The following RARB variants were observed in gnomAD, a reference collection of about 807,000 sequenced individuals.
The protein encoded by RARB is retinoic acid receptor beta, also known as HBV-activated protein.
In RARB, 17 loss-of-function variants were observed where a neutral mutation model predicts 51.9. The ratio of observed to expected loss-of-function variants is 0.33; its 90% confidence interval spans 0.22 to 0.49. RARB has a LOEUF of 0.49. Among genes scored for constraint, RARB ranks in the 20% least tolerant of loss-of-function variants. The pLI is 0.99. For missense variants in RARB, 369 were observed against 550.8 expected (o/e 0.67, Z 3.30); for synonymous variants, 215 against 195.4 (o/e 1.10, Z -0.84).
In RARB at chr3:25,567,908, C is replaced by A. The variant is rs375378396; in HGVS notation, c.449-1850C>A. ...CTCAGCAGCCCAGACTCCATCCTCA[C>A]GGAGAGCCACCATGCCGCCTCTGCC... On this transcript the variant is annotated intron_variant, in intron 3 of 7. Coordinates refer to ENST00000330688, the MANE Select transcript of RARB (RefSeq NM_000965.5). Among the ~76,000 whole-genome samples the A allele has an allele frequency of 2.0e-4, 31 of 152,260 alleles. No individual in the cohort carries two copies. The East Asian group carries it at 2.5e-3, about 12-fold the overall frequency.
intron 1 of RARB, among the ~76,000 whole-genome samples, chr3:25,443,537 C>G (rs764568948): frequency 1.3e-5 from 2 of 151,616 alleles, no homozygotes; most frequent in Admixed American, 1.3e-4. Flanking sequence ...GCTTAAAACC[C>G]GGGAGGCGGA....
intron 4 of RARB, among the ~76,000 whole-genome samples, chr3:25,152,105 T>G (rs1168922958): frequency 6.6e-6 from 1 of 152,236 alleles, no homozygotes; most frequent in Admixed American, 6.5e-5. Flanking sequence ...GTAAAAAGCC[T>G]ATGAATTATT....
intron 2 of RARB, among the ~76,000 whole-genome samples, chr3:24,927,980 A>G (rs1695356295): frequency 6.6e-6 from 1 of 152,104 alleles, no homozygotes; most frequent in Non-Finnish European, 1.5e-5. Flanking sequence ...GCATCTTTGT[A>G]CAATGTGATT....
At chr3:25,158,184 T>A (rs913893647) in intron 4 of RARB, among the ~76,000 whole-genome samples, 8 of 152,220 alleles carry the variant, frequency 5.3e-5, no homozygotes, top group Non-Finnish European at 1.0e-4. Context: ...TTACAAACTT[T>A]CCTTCCCATA....
upstream of RARB, among the ~76,000 whole-genome samples, chr3:25,426,470 C>T (rs576546192): frequency 6.6e-6 from 1 of 152,240 alleles, no homozygotes; most frequent in Non-Finnish European, 1.5e-5. Flanking sequence ...TTTCATGTTA[C>T]ACCACAAGTG....
intron 2 of RARB, among the ~76,000 whole-genome samples, chr3:24,999,897 C>T (rs1441254808): frequency 6.6e-6 from 1 of 151,990 alleles, no homozygotes; most frequent in East Asian, 1.9e-4. Context: ...TTTTTATAGC[C>T]TTTGATGCAA....
chr3:25,103,743 A>C (rs1699447565), intron 3 of RARB, among the ~76,000 whole-genome samples: 1 of 152,220 alleles, frequency 6.6e-6, no homozygotes. Context: ...AGTGCATCAT[A>C]TCCACTTTAA....
chr3:25,533,254 G>T (rs1159196796), intron 3 of RARB, among the ~76,000 whole-genome samples: 1 of 152,028 alleles, frequency 6.6e-6, no homozygotes, highest in Non-Finnish European at 1.5e-5. Context: ...ATTCAATAAG[G>T]TATAATAAGT....
chr3:25,522,393 C>A (rs1698440928), intron 3 of RARB, among the ~76,000 whole-genome samples: 1 of 152,082 alleles, frequency 6.6e-6, no homozygotes, highest in Non-Finnish European at 1.5e-5. Context: ...CAATATACAC[C>A]CATCACCCTC....
intron 4 of RARB, among the ~76,000 whole-genome samples, chr3:25,143,895 C>T (rs1458285520): frequency 6.6e-6 from 1 of 152,172 alleles, no homozygotes; most frequent in Non-Finnish European, 1.5e-5. Flanking sequence ...CAAAAGACAG[C>T]ACAGTGCCTA....
chr3:25,178,013 G>A (rs1261341468), intron 5 of RARB, among the ~76,000 whole-genome samples: 1 of 151,986 alleles, frequency 6.6e-6, no homozygotes, highest in Non-Finnish European at 1.5e-5. Flanking sequence ...CGTAACTCAG[G>A]TTTCTCCCGG....
rs76792180 is a variant in RARB at position 24,902,919 on chromosome 3, A to G, written c.-380+44167A>G. 3.9e-5 allele frequency among the ~76,000 whole-genome samples: 6 copies of G among 152,244 alleles called. No individual in the cohort carries two copies. The East Asian group carries it at 1.2e-3, about 29-fold the overall frequency. On this transcript the variant is annotated intron_variant, in intron 2 of 11. Transcript: ENST00000383772. ...GTACATAGTAAGATGAAAGTATTTGATTATCTTTATATTCGTAAGGGTGTT... is the reference window on the plus strand; with the variant it reads ...GTACATAGTAAGATGAAAGTATTTGGTTATCTTTATATTCGTAAGGGTGTT...
chr3:24,861,225 G>A (rs1180299138), intron 2 of RARB, among the ~76,000 whole-genome samples: 1 of 152,104 alleles, frequency 6.6e-6, no homozygotes, highest in Non-Finnish European at 1.5e-5. Flanking sequence ...CATTGTATTA[G>A]GTATAAGTAA....
At chr3:25,458,153 G>A (rs1270705230) in intron 1 of RARB, among the ~76,000 whole-genome samples, 1 of 152,194 alleles carries the variant, frequency 6.6e-6, no homozygotes, top group African/African-American at 2.4e-5. Flanking sequence ...CTTCAGTAAT[G>A]TATTTGAAGG....
At chr3:25,489,106 G>T (rs1005583147) in intron 2 of RARB, among the ~76,000 whole-genome samples, 3 of 152,210 alleles carry the variant, frequency 2.0e-5, no homozygotes, top group Non-Finnish European at 2.9e-5. Context: ...GCAGCTCCAG[G>T]AGTGTATTTT....
At chr3:25,595,765 T>C (rs1041127727) in intron 7 of RARB, among the ~76,000 whole-genome samples, 2 of 152,200 alleles carry the variant, frequency 1.3e-5, no homozygotes, top group Non-Finnish European at 2.9e-5. Flanking sequence ...CTAGTGGGTA[T>C]TGTACTGGAC....
intron 5 of RARB, among the ~76,000 whole-genome samples, chr3:25,232,305 C>T (rs1299995083): frequency 6.6e-6 from 1 of 152,102 alleles, no homozygotes; most frequent in African/African-American, 2.4e-5. Context: ...TTAACAACTT[C>T]AGTTCCTTTG....
At chr3:25,455,894 A>C (rs1694880894) in intron 1 of RARB, among the ~76,000 whole-genome samples, 1 of 152,258 alleles carries the variant, frequency 6.6e-6, no homozygotes, top group Non-Finnish European at 1.5e-5. Flanking sequence ...AGCAGGAGAC[A>C]AAAAGCAGAT....
At chr3:25,304,007 ATGGAAAAC>A (rs1704100165) in intron 5 of RARB, among the ~76,000 whole-genome samples, 1 of 152,194 alleles carries the variant, frequency 6.6e-6, no homozygotes, top group East Asian at 1.9e-4. Flanking sequence ...TCCAGAAAAA[ATGGAAAAC>A]ATGGTAGATC....
Sources: allele counts gnomAD v4.1 joint callset (sites outside exome capture counted in the v4.1 genomes callset), GRCh38; gene constraint gnomAD v4.1.1; transcripts MANE v1.5; gene names NCBI Gene and HGNC (gene_info 2026-07-23, HGNC 2026-07-21).